NCKAP5: variants seen among roughly 807,000 people sequenced by gnomAD.
The protein encoded by NCKAP5 is nck-associated protein 5.
A neutral mutation model predicts 167.0 loss-of-function variants in NCKAP5; 92 were observed. The observed-to-expected ratio is 0.55, with a 90% CI of 0.47 to 0.66. NCKAP5 has a LOEUF of 0.66. NCKAP5 is among the 30% of genes least tolerant of loss of function. The pLI is 0.00. For missense variants in NCKAP5, 2,378 were observed against 2,315.0 expected (o/e 1.03, Z -0.56); for synonymous variants, 891 against 877.4 (o/e 1.02, Z -0.27).
intron 11 of NCKAP5, among the ~76,000 whole-genome samples, chr2:132,825,985 T>C (rs555278170): frequency 6.6e-6 from 1 of 152,330 alleles, no homozygotes; most frequent in African/African-American, 2.4e-5. Flanking sequence ...AAAGGCTAGT[T>C]TGGAAACAGC....
intron 3 of NCKAP5, among the ~76,000 whole-genome samples, chr2:133,398,590 A>T (rs1187517586): frequency 6.6e-6 from 1 of 152,240 alleles, no homozygotes; most frequent in African/African-American, 2.4e-5. Context: ...TGTAATTAGC[A>T]TAAGAATTAG....
At chr2:132,828,379 C>T (rs1464367186) in intron 11 of NCKAP5, among the ~76,000 whole-genome samples, 2 of 152,030 alleles carry the variant, frequency 1.3e-5, no homozygotes, top group African/African-American at 2.4e-5. Context: ...CCTTGCTGTT[C>T]TCATGATAGT....
chr2:133,017,602 G>A (rs904020569), intron 6 of NCKAP5, among the ~76,000 whole-genome samples: 6 of 151,868 alleles, frequency 4.0e-5, no homozygotes, highest in African/African-American at 1.5e-4. Context: ...ATTCTTGCCT[G>A]TAGATTCTGA....
At chr2:133,637,850 A>C in the NCKAP5 span, among the ~76,000 whole-genome samples, 1 of 152,166 alleles carries the variant, frequency 6.6e-6, no homozygotes, top group Non-Finnish European at 1.5e-5. Flanking sequence ...GAAAACCATA[A>C]ATTTTTAGAT....
chr2:132,796,687 G>C lies in NCKAP5; in HGVS notation c.850C>G (p.Leu284Val), dbSNP rs1481832692. The change falls in exon 12 of 20, where the codon CTT becomes GTT. Residue 284 changes from leucine (L) to valine (V), a missense_variant. This residue lies in a region of NCKAP5 where 1,049 missense variants were observed against 1,023.4 expected (regional missense o/e 1.02). Coordinates refer to ENST00000409261, the MANE Select transcript of NCKAP5 (RefSeq NM_207363.3). ...RLLDLSSGDL[L>V]SEVERNRSLT... ...CTTCGGTTTCTTTCCACCTCTGAAA[G>C]CAAATCTCCAGATGAAAGATCCAAG... The C allele has an allele frequency of 6.2e-7, 1 of 1,613,374 alleles. No homozygotes were observed.
At chr2:132,961,292 C>T (rs1267419366) in intron 8 of NCKAP5, among the ~76,000 whole-genome samples, 1 of 143,724 alleles carries the variant, frequency 7.0e-6, no homozygotes, top group African/African-American at 2.7e-5. Context: ...AATTGAATTA[C>T]ATGTATGACA....
intron 6 of NCKAP5, chr2:133,123,760 A>C: frequency 2.1e-6 from 1 of 471,164 alleles, no homozygotes; most frequent in Middle Eastern, 3.2e-4. Flanking sequence ...TCCAAAGGTC[A>C]ATTGACAGCT....
At chr2:133,267,562 G>A (rs2089303797) in intron 4 of NCKAP5, 1 of 152,180 alleles carries the variant, frequency 6.6e-6, no homozygotes, top group Non-Finnish European at 1.5e-5. Flanking sequence ...TTGGCCTCCT[G>A]TTGGCATTTC....
At chr2:133,496,219 G>T (rs1048791902) in intron 3 of NCKAP5, among the ~76,000 whole-genome samples, 2 of 152,136 alleles carry the variant, frequency 1.3e-5, no homozygotes, top group African/African-American at 4.8e-5. Context: ...CCTCACCTAA[G>T]AAACTGTTAA....
rs1345081230 is a variant in NCKAP5 at position 132,963,832 on chromosome 2, G to T, written c.467C>A (p.Ala156Asp). ...LSEEERKHKE[A>D]LEDLHMVVDE... ...AACCACCATGTGAAGATCTTCCAAA[G>T]CTTCCTTATGTTTTCTCTCTTCCTC... The change falls in exon 8 of 20, where the codon GCT becomes GAT. Residue 156 changes from alanine (A) to aspartate (D), a missense_variant. Transcript: ENST00000409261. 6.2e-7 allele frequency: 1 copy of T among 1,613,702 alleles called. No individual in the cohort carries two copies. The highest frequency in any genetic ancestry group is 8.5e-7 in the Non-Finnish European group (1 of 1,179,792).
intron 6 of NCKAP5, among the ~76,000 whole-genome samples, chr2:133,030,848 G>A (rs957953980): frequency 2.0e-5 from 3 of 152,036 alleles, no homozygotes; most frequent in Admixed American, 1.3e-4. Flanking sequence ...CCAATGCAGC[G>A]GGAACCTATC....
chr2:132,824,543 G>A (rs915418182), intron 11 of NCKAP5, among the ~76,000 whole-genome samples: 41 of 152,206 alleles, frequency 2.7e-4, no homozygotes, highest in Admixed American at 2.4e-3. Context: ...TCTAATCTCT[G>A]AAGTAGAAGA....
At chr2:132,794,223 C>CAT (rs1166750939) in intron 12 of NCKAP5, among the ~76,000 whole-genome samples, 77 of 21,144 alleles carry the variant, frequency 3.6e-3, no homozygotes, top group Non-Finnish European at 6.1e-3. Context: ...AATGTTTATA[C>CAT]ATATATATAT....
chr2:132,698,103 T>C (rs1251968817), intron 19 of NCKAP5, among the ~76,000 whole-genome samples: 1 of 152,222 alleles, frequency 6.6e-6, no homozygotes, highest in East Asian at 1.9e-4. Context: ...CATGTCTTTA[T>C]GAATTGACAA....
intron 8 of NCKAP5, among the ~76,000 whole-genome samples, chr2:132,928,868 C>T (rs151312327): frequency 1.9e-3 from 283 of 152,168 alleles, no homozygotes; most frequent in African/African-American, 6.6e-3. Context: ...TGCCTGTAAT[C>T]CCAACACTTT....
At chr2:133,084,437 A>G (rs1313256403) in intron 6 of NCKAP5, among the ~76,000 whole-genome samples, 1 of 152,150 alleles carries the variant, frequency 6.6e-6, no homozygotes, top group Admixed American at 6.5e-5. Flanking sequence ...TTACTGTGTG[A>G]CCTAGAGCAA....
intron 3 of NCKAP5, among the ~76,000 whole-genome samples, chr2:133,426,876 CAAA>C (rs963661756): frequency 1.3e-5 from 2 of 152,038 alleles, no homozygotes; most frequent in Non-Finnish European, 2.9e-5. Context: ...TAAAACCACA[CAAA>C]AGTCTATTTT....
At chr2:133,223,181 T>G (rs1317239666) in intron 4 of NCKAP5, among the ~76,000 whole-genome samples, 1 of 152,156 alleles carries the variant, frequency 6.6e-6, no homozygotes, top group Non-Finnish European at 1.5e-5. Context: ...TATCACCAAA[T>G]GTCTATATTG....
chr2:133,117,550 C>T (rs920006362), intron 6 of NCKAP5: 8 of 152,148 alleles, frequency 5.3e-5, no homozygotes, highest in Non-Finnish European at 1.2e-4. Flanking sequence ...TCTGCAGAAT[C>T]TCATAGTGAT....
Sources: gnomAD v4.1 joint callset for allele counts (sites outside exome capture counted in the v4.1 genomes callset) on GRCh38, gnomAD v4.1.1 for gene constraint, gnomAD v4.1.1 regional missense constraint, MANE v1.5 for transcripts, NCBI Gene and HGNC (gene_info 2026-07-23, HGNC 2026-07-21) for gene names.